Variants in DHX29 observed in about 807,000 individuals in gnomAD.
DHX29 encodes DExH-box helicase 29.
DHX29 carries 79 observed loss-of-function variants against 167.9 expected under a neutral mutation model. The observed-to-expected ratio is 0.47, with a 90% confidence interval of 0.39 to 0.57. The LOEUF is 0.57. Ranked by LOEUF, DHX29 falls within the 20% of genes least tolerant of loss-of-function variation. DHX29 has a pLI of 0.00. For synonymous variants in DHX29, 530 were observed against 546.0 expected, an observed-to-expected ratio of 0.97 and a Z score of 0.41; for missense variants, 1,347 against 1,593.4, an observed-to-expected ratio of 0.85 and a Z score of 2.63.
intron 6 of DHX29, among the ~76,000 whole-genome samples, chr5:55,290,633 G>C (rs1215812294): frequency 1.3e-5 from 2 of 152,196 alleles, no homozygotes; most frequent in African/African-American, 4.8e-5. Flanking sequence ...GTTAGCAAAA[G>C]AAAGAGGGTG....
At chr5:55,304,786 T>C (rs1354596034) in intron 1 of DHX29, among the ~76,000 whole-genome samples, 4 of 152,020 alleles carry the variant, frequency 2.6e-5, no homozygotes, top group African/African-American at 9.7e-5. Context: ...TAGAGGACAA[T>C]TTTGACCAGC....
Position 55,262,942 on chromosome 5 carries a change from T to G in DHX29, c.3526-10A>C, listed in dbSNP as rs1351972075. 1 of 1,594,272 alleles carries G rather than the reference T, an allele frequency of 6.3e-7. No individual in the cohort carries two copies. Among genetic ancestry groups the G allele is most frequent in the East Asian group, 2.2e-5 (1 of 44,714 alleles). ...ACTCCTGCTTTACATCCTAGATTGG[T>G]TTATGTTAAAAACACAAATAATCAA... On this transcript the variant is annotated splice_polypyrimidine_tract_variant and intron_variant, in intron 23 of 26. Transcript: ENST00000251636.
In DHX29 at chr5:55,283,542, A is replaced by G. The variant is rs1313040494; in HGVS notation, c.1626T>C (p.Asn542=). ...TTCTAACAGGTTCCAAATCTTCCAC[A>G]TTTGCTGATTCCAAGGACAGTGCAG... The part of the protein sequence containing the change: ...DFSALSLESA[N]VEDLEPVRNL... Residue 542 remains asparagine, a synonymous_variant, in exon 11 of 27, where the codon AAT becomes AAC. Coordinates refer to ENST00000251636, the MANE Select transcript of DHX29 (RefSeq NM_019030.4). 6.2e-7 allele frequency: 1 copy of G among 1,614,048 alleles called. No individual in the cohort carries two copies. Among genetic ancestry groups the G allele is most frequent in the African/African-American group, 1.3e-5 (1 of 74,914 alleles).
chr5:55,296,464 ATCTT>A, intron 3 of DHX29, 115 bp from the exon 4 acceptor site: 9 of 1,278,128 alleles, frequency 7.0e-6, no homozygotes, highest in Non-Finnish European at 9.2e-6. Context: ...TTTCAAAACT[ATCTT>A]TTTTTTCCCA....
intron 7 of DHX29, 129 bp downstream of exon 7, chr5:55,290,089 G>C: frequency 9.1e-7 from 1 of 1,103,830 alleles, no homozygotes; most frequent in East Asian, 2.4e-5. Flanking sequence ...TATTTTAAAA[G>C]TTTGCTAATC....
intron 1 of DHX29, among the ~76,000 whole-genome samples, chr5:55,301,713 C>CAAAAAAAAAA (rs70992777): frequency 1.2e-4 from 8 of 64,740 alleles, no homozygotes; most frequent in African/African-American, 4.5e-4. Flanking sequence ...AACTCCATCT[C>CAAAAAAAAAA]AAAAAAAAAA....
intron 6 of DHX29, among the ~76,000 whole-genome samples, chr5:55,292,007 A>T (rs1748072424): frequency 6.6e-6 from 1 of 151,876 alleles, no homozygotes; most frequent in South Asian, 2.1e-4. Flanking sequence ...CTCCTCCAAG[A>T]CTCTGCTTTC....
At position 55,259,931 on chromosome 5, in the gene DHX29, A is replaced by C. The variant is rs542958623; in HGVS notation, c.3974T>G (p.Ile1325Arg). 6.2e-7 allele frequency: 1 copy of C among 1,610,040 alleles called. No individual in the cohort carries two copies. Among genetic ancestry groups the C allele is most frequent in the Admixed American group, 1.7e-5 (1 of 59,976 alleles). ...GWIYFQAPVK[I>R]AVIFKQLRVL... ...TCTCAGCTGCTTGAAAATGACAGCT[A>C]TCTTTACAGGGGCCTGTTAAGAGGA... Residue 1325 changes from isoleucine (I) to arginine (R), a missense_variant, in exon 26 of 27, where the codon ATA becomes AGA. By Grantham distance (97) the Ile-to-Arg change is moderately conservative. This residue lies in a region of DHX29 where 882 missense variants were observed against 1,082.4 expected (regional missense o/e 0.81). Transcript: ENST00000251636.
Position 55,296,321 on chromosome 5 carries a change from G to A in DHX29, c.404C>T (p.Ser135Leu), listed in dbSNP as rs1748315929. ...QDLYMALQAF[S>L]FKTKDIEDAM... is the part of the protein sequence containing the mutation. ...ATCTTCAATGTCCTTTGTCTTAAAT[G>A]AAAATGCTTGTAAAGCCATGTATAA... Residue 135 changes from serine (S) to leucine (L), a missense_variant, in exon 4 of 27, where the codon TCA becomes TTA. Ser to Leu is a moderately radical substitution (Grantham distance 145). Around this residue, in one of 3 missense-constraint regions of DHX29, gnomAD observed 405 missense variants for 416.8 expected, o/e 0.97. Coordinates refer to ENST00000251636, the MANE Select transcript of DHX29 (RefSeq NM_019030.4). 1 of 1,613,018 alleles carries A rather than the reference G, an allele frequency of 6.2e-7. No homozygotes were observed. The highest frequency in any genetic ancestry group is 1.1e-5 in the South Asian group (1 of 90,914).
chr5:55,307,569 C>T lies in DHX29; in HGVS notation c.5G>A (p.Gly2Asp), dbSNP rs1748949499. ...AGCCTTGTGTTTCTTGTTCTTGCCG[C>T]CCATGTTGCAGCTGTGGCAGAAGAT... M[G>D]GKNKKHKAPA... Residue 2 changes from glycine (G) to aspartate (D), a missense_variant, in exon 1 of 27, where the codon GGC (glycine) becomes GAC (aspartate). Transcript: ENST00000251636. 1 of 1,613,514 alleles carries T rather than the reference C, an allele frequency of 6.2e-7. No individual in the cohort carries two copies. Among genetic ancestry groups the T allele is most frequent in the African/African-American group, 1.3e-5 (1 of 75,052 alleles).
At chr5:55,281,002 CTGA>C (rs1186418575) in intron 12 of DHX29, among the ~76,000 whole-genome samples, 4 of 151,724 alleles carry the variant, frequency 2.6e-5, no homozygotes, top group Non-Finnish European at 2.9e-5. Flanking sequence ...TTTCTACAGC[CTGA>C]TGATTTTTAT....
intron 2 of DHX29, among the ~76,000 whole-genome samples, chr5:55,297,891 C>T (rs1248947650): frequency 6.6e-6 from 1 of 152,168 alleles, no homozygotes; most frequent in Non-Finnish European, 1.5e-5. Flanking sequence ...TCCTACTAGC[C>T]ATTTTATTTT....
At position 55,256,287 on chromosome 5, in the gene DHX29, C is replaced by A; in HGVS notation, c.*201G>T. 1 of 397,580 alleles carries A rather than the reference C, an allele frequency of 2.5e-6. No individual in the cohort carries two copies. The highest frequency in any genetic ancestry group is 3.9e-5 in the South Asian group (1 of 25,388). 24.6% of individuals were successfully genotyped at this position (397,580 alleles called of 1,614,324 possible). ...TTTATTGTAAATGTAGTGGCAAATA[C>A]ATTCAGAATAATCATCATTAAAAAG... On this transcript the variant is annotated 3_prime_UTR_variant, in exon 27 of 27. Coordinates refer to ENST00000251636, the MANE Select transcript of DHX29 (RefSeq NM_019030.4).
intron 6 of DHX29, among the ~76,000 whole-genome samples, chr5:55,292,477 AC>A (rs996079754): frequency 5.3e-5 from 8 of 152,042 alleles, no homozygotes; most frequent in Admixed American, 1.3e-4. Context: ...TGGCCTCCCT[AC>A]CCTTTCCAAA....
rs769347449 is a variant in DHX29 at position 55,269,503 on chromosome 5, C to T, written c.3204G>A (p.Pro1068=). The T allele has an allele frequency of 7.7e-5, 124 of 1,613,962 alleles. No individual in the cohort carries two copies. The highest frequency in any genetic ancestry group is 6.4e-5 in the Non-Finnish European group (76 of 1,180,032). ...GTAAAGCTGCAAGGTGTTGGCCCAA[C>T]GGAGTCAGTTTAGGCTCATTTAATT... is the stretch of plus-strand genomic sequence containing the variant. ...ACELNEPKLT[P]LGQHLAALPV... The change falls in exon 21 of 27, where the codon CCG becomes CCA. Residue 1068 remains proline, a synonymous_variant. Transcript: ENST00000251636.
chr5:55,290,916 G>A (rs1748011723), intron 6 of DHX29, among the ~76,000 whole-genome samples: 1 of 152,150 alleles, frequency 6.6e-6, no homozygotes, highest in Non-Finnish European at 1.5e-5. Context: ...CCAGAAGGCT[G>A]AGGCAGGAGA....
Position 55,307,399 on chromosome 5 carries a change from G to C in DHX29, c.175C>G (p.Arg59Gly). Reference sequence around the variant, plus strand: ...GGACCTCTCGTACCTTGCTTGACACGGGGCTCCCTGGAGCCGGCAGCGGCA... The same window carrying C: ...GGACCTCTCGTACCTTGCTTGACACCGGGCTCCCTGGAGCCGGCAGCGGCA... ...AAAAAGSREP[R>G]VKQGPKIYSF... Residue 59 changes from arginine to glycine, a missense_variant, in exon 1 of 27, where the codon CGT becomes GGT. Arg to Gly is a moderately radical substitution (Grantham distance 125). This residue lies in a region of DHX29 where 405 missense variants were observed against 416.8 expected (regional missense o/e 0.97). Transcript: ENST00000251636. 1 of 1,612,842 alleles carries C rather than the reference G, an allele frequency of 6.2e-7. No individual in the cohort carries two copies. Among genetic ancestry groups the C allele is most frequent in the Non-Finnish European group, 8.5e-7 (1 of 1,179,558 alleles).
At chr5:55,299,805 G>A (rs890698749) in intron 1 of DHX29, among the ~76,000 whole-genome samples, 5 of 152,084 alleles carry the variant, frequency 3.3e-5, no homozygotes, top group African/African-American at 1.2e-4. Context: ...TGAGGTTCCA[G>A]GTGGACATGA....
intron 23 of DHX29, among the ~76,000 whole-genome samples, chr5:55,264,372 T>C (rs1275383120): frequency 6.6e-6 from 1 of 152,140 alleles, no homozygotes; most frequent in African/African-American, 2.4e-5. Context: ...ATAAAGTTGA[T>C]CACAACCAGC....
Sources: allele counts gnomAD v4.1 joint callset (sites outside exome capture counted in the v4.1 genomes callset), GRCh38; gene constraint gnomAD v4.1.1; regional missense constraint gnomAD v4.1.1; transcripts MANE v1.5; gene names NCBI Gene and HGNC (gene_info 2026-07-23, HGNC 2026-07-21).